ZNF81: variants seen among roughly 807,000 people sequenced by gnomAD.
ZNF81 encodes the protein zinc finger protein 81.
A neutral mutation model predicts 32.3 loss-of-function variants in ZNF81; 5 were observed. That is an observed-to-expected ratio of 0.15 (90% CI 0.08 to 0.33). The LOEUF (loss-of-function observed/expected upper bound fraction) is 0.33. Ranked by LOEUF, ZNF81 falls within the 10% of genes least tolerant of loss-of-function variation. The pLI is 1.00. For missense variants in ZNF81, 379 were observed against 479.8 expected (o/e 0.79, Z 1.96); for synonymous variants, 163 against 166.8 (o/e 0.98, Z 0.17).
chrX:47,887,344 C>A (rs1414465820), intron 2 of ZNF81, among the ~76,000 whole-genome samples: 1 of 111,816 alleles, frequency 8.9e-6, no homozygotes, highest in East Asian at 2.8e-4. Flanking sequence ...TTACCAAAAT[C>A]TTGACAAATA....
chrX:47,901,171 G>A (rs1240162544), intron 4 of ZNF81, among the ~76,000 whole-genome samples: 1 of 111,015 alleles, frequency 9.0e-6, no homozygotes, highest in Non-Finnish European at 1.9e-5. Context: ...TCTGTAGAAG[G>A]GTCTTTTTCA....
chrX:47,848,439 C>T (rs1420593065), intron 2 of ZNF81, among the ~76,000 whole-genome samples: 1 of 111,759 alleles, frequency 8.9e-6, no homozygotes, highest in Non-Finnish European at 1.9e-5. Flanking sequence ...TCTTTTGTGT[C>T]TCTCATTAAT....
intron 2 of ZNF81, among the ~76,000 whole-genome samples, chrX:47,884,243 TAAAAAAAAAAAAAA>T (rs56255807): frequency 6.4e-5 from 2 of 31,259 alleles, no homozygotes; most frequent in Admixed American, 4.8e-4. Flanking sequence ...AGACGTCATC[TAAAAAAAAAAAAAA>T]AAAAAAAAAA....
intron 3 of ZNF81, among the ~76,000 whole-genome samples, chrX:47,889,399 C>G (rs2058654617): frequency 1.8e-5 from 2 of 112,272 alleles, no homozygotes; most frequent in Admixed American, 1.9e-4. Flanking sequence ...GGAAGAATGA[C>G]TTTGAGGATA....
At chrX:47,899,244 T>G (rs1410351752) in intron 4 of ZNF81, among the ~76,000 whole-genome samples, 1 of 110,659 alleles carries the variant, frequency 9.0e-6, no homozygotes, top group Non-Finnish European at 1.9e-5. Context: ...GTACCTGCCC[T>G]TTAACAGGCT....
intron 2 of ZNF81, 114 bp downstream of exon 2, chrX:47,846,435 C>T: frequency 1.2e-6 from 1 of 858,137 alleles, no homozygotes; most frequent in South Asian, 2.2e-5. Flanking sequence ...GGAAAATTTC[C>T]CCCCACCCTC....
intron 2 of ZNF81, among the ~76,000 whole-genome samples, chrX:47,849,801 C>G (rs1473324072): frequency 1.8e-5 from 2 of 112,128 alleles, no homozygotes; most frequent in African/African-American, 3.2e-5. Flanking sequence ...AGAATACCCA[C>G]TAGTCAGAGG....
intron 2 of ZNF81, among the ~76,000 whole-genome samples, chrX:47,882,792 AC>A (rs782217620): frequency 3.6e-5 from 4 of 112,577 alleles, no homozygotes; most frequent in African/African-American, 1.3e-4. Context: ...GGTGTTCAAA[AC>A]CAGCCTCGCC....
chrX:47,873,540 TG>T (rs782165210), intron 2 of ZNF81, among the ~76,000 whole-genome samples: 15 of 112,114 alleles, frequency 1.3e-4, no homozygotes, highest in African/African-American at 4.2e-4. Flanking sequence ...TCCAATGTCC[TG>T]GCTTCTTACT....
chrX:47,863,872 T>C (rs921280647), intron 2 of ZNF81, among the ~76,000 whole-genome samples: 1 of 111,943 alleles, frequency 8.9e-6, no homozygotes, highest in African/African-American at 3.2e-5. Flanking sequence ...AATTGCGTAA[T>C]TCCTTGAGTG....
chrX:47,840,257 C>G (rs1422730844), intron 1 of ZNF81, among the ~76,000 whole-genome samples: 2 of 108,981 alleles, frequency 1.8e-5, no homozygotes, highest in Non-Finnish European at 3.8e-5. Context: ...TGGGCTTGGT[C>G]GACTGCTGCA....
intron 2 of ZNF81, among the ~76,000 whole-genome samples, chrX:47,873,873 C>T (rs1218310494): frequency 2.7e-5 from 3 of 110,951 alleles, no homozygotes; most frequent in Non-Finnish European, 5.7e-5. Flanking sequence ...CACCATGTTG[C>T]TCAGGCTCAT....
chrX:47,873,444 C>T (rs1458409532), intron 2 of ZNF81, among the ~76,000 whole-genome samples: 1 of 111,528 alleles, frequency 9.0e-6, no homozygotes, highest in Admixed American at 9.5e-5. Context: ...CCAGTTGTTC[C>T]TTAGTGGAGG....
intron 4 of ZNF81, among the ~76,000 whole-genome samples, chrX:47,914,507 T>C (rs1556890305): frequency 8.9e-5 from 10 of 112,298 alleles, no homozygotes. Flanking sequence ...TACTGTATTA[T>C]AGTTGCCTAC....
intron 4 of ZNF81, among the ~76,000 whole-genome samples, chrX:47,897,712 A>G (rs782805117): frequency 3.6e-4 from 40 of 112,032 alleles, no homozygotes; most frequent in Non-Finnish European, 6.0e-4. Flanking sequence ...TCATTTTTCA[A>G]TACTGATATC....
rs201504654 is a variant in ZNF81, at chrX:47,895,892, G to A, written c.229G>A (p.Glu77Lys). The A allele has an allele frequency of 1.3e-4, 161 of 1,209,656 alleles. No homozygotes were observed. In the African/African-American group the frequency reaches 2.6e-3, roughly 20 times the overall value. ...GGTCATCTTCAAGTTGGAGCAAGGA[G>A]AGGGGCCATGGACATTGGAAGGGGA... is the stretch of plus-strand genomic sequence containing the variant. ...PEVIFKLEQGEGPWTLEGEAP... is the reference protein window; with the variant it reads ...PEVIFKLEQGKGPWTLEGEAP... Residue 77 changes from glutamate to lysine, a missense_variant, in exon 4 of 5, where the codon GAG becomes AAG. Transcript: ENST00000338637.
chrX:47,848,078 C>A (rs2058478413), intron 2 of ZNF81, among the ~76,000 whole-genome samples: 1 of 110,670 alleles, frequency 9.0e-6, no homozygotes, highest in Non-Finnish European at 1.9e-5. Flanking sequence ...CCACACCAGG[C>A]TAATTTTTTT....
intron 2 of ZNF81, among the ~76,000 whole-genome samples, chrX:47,868,934 C>CG (rs1303592355): frequency 1.0e-3 from 5 of 5,013 alleles, no homozygotes; most frequent in Non-Finnish European, 1.7e-3. Flanking sequence ...AACATAGTGG[C>CG]GGGGGGGTGG....
At position 47,895,925 on chromosome X, in the gene ZNF81, C is replaced by A. The variant is rs1556887142; in HGVS notation, c.262C>A (p.His88Asn). 5.8e-6 allele frequency: 7 copies of A among 1,206,950 alleles called. No homozygotes were observed. The Middle Eastern group carries it at 9.2e-4, about 159-fold the overall frequency. The change falls in exon 4 of 5, where the codon CAT becomes AAT. Residue 88 changes from histidine (H) to asparagine (N), a missense_variant. By Grantham distance (68) the His-to-Asn change is moderately conservative. Around this residue, in one of 2 missense-constraint regions of ZNF81, gnomAD observed 277 missense variants for 306.6 expected, o/e 0.90. Coordinates refer to ENST00000338637, the MANE Select transcript of ZNF81 (RefSeq NM_007137.5). The part of the protein sequence containing the change: ...GPWTLEGEAP[H>N]QSCSDGKFGI... ...ATGGACATTGGAAGGGGAAGCCCCACATCAGAGCTGTTCAGGTGAGTGGGT... is the reference window on the plus strand; with the variant it reads ...ATGGACATTGGAAGGGGAAGCCCCAAATCAGAGCTGTTCAGGTGAGTGGGT...
Sources: allele counts gnomAD v4.1 joint callset (sites outside exome capture counted in the v4.1 genomes callset), GRCh38; gene constraint gnomAD v4.1.1; regional missense constraint gnomAD v4.1.1; transcripts MANE v1.5; gene names NCBI Gene and HGNC (gene_info 2026-07-23, HGNC 2026-07-21).